The following THSD7B variants were observed in gnomAD, a reference collection of about 807,000 sequenced individuals.
THSD7B encodes thrombospondin type 1 domain containing 7B.
Under a neutral mutation model 213.6 loss-of-function variants are expected in THSD7B, and 138 were observed. That is an observed-to-expected ratio of 0.65 (90% confidence interval 0.56 to 0.74). THSD7B has a LOEUF of 0.74. Ranked by LOEUF, THSD7B falls within the 30% of genes least tolerant of loss-of-function variation. The pLI, the probability that THSD7B is intolerant of heterozygous loss-of-function variation, is 0.00. For missense variants in THSD7B, 1,931 were observed against 1,991.5 expected (o/e 0.97, Z 0.58); for synonymous variants, 742 against 687.0 (o/e 1.08, Z -1.25).
intron 15 of THSD7B, among the ~76,000 whole-genome samples, chr2:137,536,959 C>A (rs1680518289): frequency 6.6e-6 from 1 of 151,674 alleles, no homozygotes; most frequent in Admixed American, 6.6e-5. Context: ...TGTAGCAATG[C>A]AATAAATTAA....
chr2:136,864,027 T>C (rs772409332), intron 1 of THSD7B, among the ~76,000 whole-genome samples: 28 of 152,156 alleles, frequency 1.8e-4, no homozygotes, highest in Non-Finnish European at 1.0e-4. Flanking sequence ...GCATGTCCTG[T>C]CTTTGCTGCT....
chr2:137,573,494 ATTG>A (rs979276464), intron 17 of THSD7B, among the ~76,000 whole-genome samples: 1 of 152,026 alleles, frequency 6.6e-6, no homozygotes, highest in African/African-American at 2.4e-5. Flanking sequence ...ATTTCACTCT[ATTG>A]TTATTTTTAT....
At chr2:137,560,098 TTTACACTGTTGGTGGGA>T (rs779219549) in intron 15 of THSD7B, among the ~76,000 whole-genome samples, 16,831 of 152,038 alleles carry the variant, frequency 0.11, 1,701 homozygotes, top group African/African-American at 0.27. Context: ...TAGGAATACT[TTTACACTGTTGGTGGGA>T]CTGTAAACTG....
At chr2:137,220,951 A>G (rs1681354733) in intron 7 of THSD7B, among the ~76,000 whole-genome samples, 1 of 152,140 alleles carries the variant, frequency 6.6e-6, no homozygotes, top group African/African-American at 2.4e-5. Flanking sequence ...ATCATTTTTT[A>G]TATATATGAC....
At chr2:137,360,768 C>T (rs938801717) in intron 12 of THSD7B, among the ~76,000 whole-genome samples, 7 of 152,186 alleles carry the variant, frequency 4.6e-5, no homozygotes, top group African/African-American at 1.7e-4. Flanking sequence ...TACACCCCAC[C>T]TCTGGGGGCA....
chr2:137,075,866 G>T (rs550450658), intron 3 of THSD7B, among the ~76,000 whole-genome samples: 1 of 152,322 alleles, frequency 6.6e-6, no homozygotes, highest in Non-Finnish European at 1.5e-5. Context: ...GACACTGTTT[G>T]CCTGGGTATC....
At chr2:137,430,347 A>G (rs750104971) in intron 14 of THSD7B, among the ~76,000 whole-genome samples, 5 of 152,246 alleles carry the variant, frequency 3.3e-5, no homozygotes, top group Admixed American at 6.5e-5. Context: ...GAACTGAAAG[A>G]GACACAACAT....
At chr2:137,404,254 T>C (rs528766469) in intron 12 of THSD7B, among the ~76,000 whole-genome samples, 1 of 151,358 alleles carries the variant, frequency 6.6e-6, no homozygotes, top group African/African-American at 2.4e-5. Context: ...GAACTAAAAG[T>C]AGAATTACCA....
intron 20 of THSD7B, 25 bp from the exon 21 acceptor site, chr2:137,642,463 G>C: frequency 6.2e-7 from 1 of 1,612,000 alleles, no homozygotes; most frequent in South Asian, 1.1e-5. Context: ...TAACTGAAAA[G>C]CTGACACCTC....
chr2:136,878,350 C>T (rs1035783783), intron 1 of THSD7B, among the ~76,000 whole-genome samples: 1 of 152,182 alleles, frequency 6.6e-6, no homozygotes, highest in Non-Finnish European at 1.5e-5. Flanking sequence ...CAAGTCTTTG[C>T]TATTGTAAAT....
intron 6 of THSD7B, among the ~76,000 whole-genome samples, chr2:137,168,814 T>C (rs2104992895): frequency 6.6e-6 from 1 of 152,226 alleles, no homozygotes; most frequent in African/African-American, 2.4e-5. Context: ...ATGTTACATA[T>C]AAGAATAGAG....
chr2:136,928,215 T>G (rs2105043186), intron 2 of THSD7B, among the ~76,000 whole-genome samples: 1 of 152,288 alleles, frequency 6.6e-6, no homozygotes, highest in Middle Eastern at 3.4e-3. Flanking sequence ...TTGGGCAAAA[T>G]CATCTAACAC....
chr2:137,611,673 T>C (rs1682292351), intron 17 of THSD7B, among the ~76,000 whole-genome samples: 1 of 152,078 alleles, frequency 6.6e-6, no homozygotes, highest in Non-Finnish European at 1.5e-5. Flanking sequence ...AAAACACTTA[T>C]TTGGATGACT....
At chr2:137,565,239 G>C (rs1681211462) in intron 16 of THSD7B, among the ~76,000 whole-genome samples, 1 of 152,096 alleles carries the variant, frequency 6.6e-6, no homozygotes, top group East Asian at 1.9e-4. Flanking sequence ...ATATGTTTCA[G>C]CTCTTTTTAT....
At chr2:136,939,320 T>C (rs1238347426) in intron 2 of THSD7B, among the ~76,000 whole-genome samples, 1 of 152,208 alleles carries the variant, frequency 6.6e-6, no homozygotes, top group African/African-American at 2.4e-5. Flanking sequence ...TCTCTTGATG[T>C]ATCCTTCTCC....
intron 1 of THSD7B, among the ~76,000 whole-genome samples, chr2:136,827,869 G>A (rs1682682828): frequency 6.6e-6 from 1 of 152,104 alleles, no homozygotes; most frequent in South Asian, 2.1e-4. Flanking sequence ...AACCATTTCA[G>A]ACTATAAAAA....
intron 2 of THSD7B, among the ~76,000 whole-genome samples, chr2:136,929,036 A>T (rs1684588662): frequency 6.6e-6 from 1 of 152,204 alleles, no homozygotes; most frequent in Non-Finnish European, 1.5e-5. Context: ...CTCCTGCTGT[A>T]CTGTAAATGT....
intron 1 of THSD7B, among the ~76,000 whole-genome samples, chr2:136,778,945 T>C (rs1009982142): frequency 1.3e-5 from 2 of 152,174 alleles, no homozygotes; most frequent in Admixed American, 6.6e-5. Flanking sequence ...CATCAGCTCA[T>C]TTTTAAAAGA....
At chr2:137,103,803 T>C (rs1688194651) in intron 4 of THSD7B, among the ~76,000 whole-genome samples, 1 of 151,756 alleles carries the variant, frequency 6.6e-6, no homozygotes, top group Non-Finnish European at 1.5e-5. Context: ...CATTACGTAA[T>C]GGTAAAGGGA....
Sources: gnomAD v4.1 joint callset for allele counts (sites outside exome capture counted in the v4.1 genomes callset) on GRCh38, gnomAD v4.1.1 for gene constraint, MANE v1.5 for transcripts, NCBI Gene and HGNC (gene_info 2026-07-23, HGNC 2026-07-21) for gene names.